Variants in ACSS3 observed in about 807,000 individuals in gnomAD.
ACSS3 encodes acyl-CoA synthetase short-chain family member 3, mitochondrial.
Under a neutral mutation model 84.2 loss-of-function variants are expected in ACSS3, and 64 were observed. The ratio of observed to expected loss-of-function variants is 0.76; its 90% CI spans 0.62 to 0.94. ACSS3 has a LOEUF of 0.94. ACSS3 is among the 40% of genes least tolerant of loss of function. The pLI, the probability that ACSS3 is intolerant of heterozygous loss-of-function variation, is 0.00. For missense variants in ACSS3, 815 were observed against 867.6 expected (o/e 0.94, Z 0.76); for synonymous variants, 317 against 310.1 (o/e 1.02, Z -0.23).
chr12:81,166,712 T>A (rs1346952337), intron 7 of ACSS3, among the ~76,000 whole-genome samples: 1 of 152,176 alleles, frequency 6.6e-6, no homozygotes, highest in Non-Finnish European at 1.5e-5. Flanking sequence ...ACAGGAAAGT[T>A]TGTTGTTTCA....
chr12:81,089,973 G>C (rs181059975), intron 1 of ACSS3, among the ~76,000 whole-genome samples: 7 of 151,986 alleles, frequency 4.6e-5, no homozygotes, highest in Non-Finnish European at 8.8e-5. Context: ...CCTAATTTCA[G>C]TTATAAGTTG....
At chr12:81,225,053 A>G (rs886804347) in intron 11 of ACSS3, among the ~76,000 whole-genome samples, 1 of 151,838 alleles carries the variant, frequency 6.6e-6, no homozygotes, top group South Asian at 2.1e-4. Flanking sequence ...CTATGTATGT[A>G]TAGGAAAAAC....
chr12:81,141,198 TTC>T (rs1320847394), intron 4 of ACSS3, among the ~76,000 whole-genome samples: 5 of 152,216 alleles, frequency 3.3e-5, no homozygotes, highest in African/African-American at 1.2e-4. Flanking sequence ...CTTTCTCAGC[TTC>T]TCTCTTTTTC....
intron 7 of ACSS3, among the ~76,000 whole-genome samples, chr12:81,167,121 G>A (rs1285807550): frequency 6.6e-6 from 1 of 152,216 alleles, no homozygotes. Flanking sequence ...AATTTGCTTA[G>A]CACTGCATCT....
chr12:81,253,359 A>T lies in ACSS3; in HGVS notation c.1772A>T (p.Asp591Val), dbSNP rs1268865994. 2 of 1,613,872 alleles carry T rather than the reference A, an allele frequency of 1.2e-6. No homozygotes were observed. Among genetic ancestry groups the T allele is most frequent in the Non-Finnish European group, 1.7e-6 (2 of 1,179,906 alleles). ...GACTGTGCTGTTGTTGGCAAGGAAG[A>T]TCCCTTAAAAGGTCATGTCCCCTTA... is the stretch of plus-strand genomic sequence containing the variant. ...VADCAVVGKE[D>V]PLKGHVPLAL... is the part of the protein sequence containing the mutation. The change falls in exon 14 of 16, where the codon GAT becomes GTT. Residue 591 changes from aspartate to valine, a missense_variant. Transcript: ENST00000548058.
chr12:81,080,218 A>C (rs981412063), intron 1 of ACSS3, among the ~76,000 whole-genome samples: 1 of 152,150 alleles, frequency 6.6e-6, no homozygotes, highest in Non-Finnish European at 1.5e-5. Flanking sequence ...GAGTGATTCG[A>C]GAGGACAATT....
intron 13 of ACSS3, among the ~76,000 whole-genome samples, chr12:81,235,681 A>G (rs1475024440): frequency 6.6e-6 from 1 of 151,488 alleles, no homozygotes; most frequent in African/African-American, 2.4e-5. Flanking sequence ...TTTCTAGCAT[A>G]CAGATTCTGA....
intron 7 of ACSS3, among the ~76,000 whole-genome samples, chr12:81,154,551 T>TTAG (rs1305603489): frequency 1.3e-5 from 2 of 152,254 alleles, no homozygotes; most frequent in African/African-American, 2.4e-5. Flanking sequence ...TTTAGACCTT[T>TTAG]GCCTGCTTCA....
At chr12:81,108,855 G>C (rs1225890381) in intron 1 of ACSS3, among the ~76,000 whole-genome samples, 1 of 151,996 alleles carries the variant, frequency 6.6e-6, no homozygotes, top group African/African-American at 2.4e-5. Context: ...TTTTCTTTTA[G>C]AAAAATGAGT....
At chr12:81,201,921 C>A (rs11114787) in intron 9 of ACSS3, among the ~76,000 whole-genome samples, 1 of 151,856 alleles carries the variant, frequency 6.6e-6, no homozygotes, top group Admixed American at 6.6e-5. Context: ...GATCTCTATA[C>A]GTTTGCATAG....
At chr12:81,134,737 T>C in intron 2 of ACSS3, 79 bp from the exon 3 acceptor site, 2 of 1,313,722 alleles carry the variant, frequency 1.5e-6, no homozygotes, top group Non-Finnish European at 2.0e-6. Flanking sequence ...GTGATCAGCT[T>C]CTAATATTAC....
chr12:81,083,925 C>T (rs1037607639), intron 1 of ACSS3, among the ~76,000 whole-genome samples: 1 of 152,094 alleles, frequency 6.6e-6, no homozygotes, highest in Admixed American at 6.5e-5. Flanking sequence ...TGCCACTGCA[C>T]TCCAGCCTGG....
At chr12:81,240,239 C>T (rs925761081) in intron 13 of ACSS3, among the ~76,000 whole-genome samples, 1 of 151,984 alleles carries the variant, frequency 6.6e-6, no homozygotes, top group Non-Finnish European at 1.5e-5. Context: ...GCCTGACATA[C>T]TTTGATGCCC....
At chr12:81,241,403 A>G (rs941984075) in intron 13 of ACSS3, among the ~76,000 whole-genome samples, 2 of 152,116 alleles carry the variant, frequency 1.3e-5, no homozygotes, top group South Asian at 2.1e-4. Context: ...TCCCTGAGGA[A>G]TTGCCACACT....
At chr12:81,156,471 T>C (rs372180990) in intron 7 of ACSS3, among the ~76,000 whole-genome samples, 1 of 151,088 alleles carries the variant, frequency 6.6e-6, no homozygotes, top group East Asian at 2.0e-4. Context: ...ATCAATAACA[T>C]TGAAAACATA....
intron 11 of ACSS3, among the ~76,000 whole-genome samples, chr12:81,224,869 C>T (rs191526006): frequency 5.3e-5 from 8 of 151,904 alleles, no homozygotes; most frequent in Admixed American, 3.3e-4. Flanking sequence ...GTTATCAGAT[C>T]GGCTGTCTAG....
At chr12:81,199,552 G>A in intron 9 of ACSS3, 108 bp downstream of exon 9, 1 of 1,449,926 alleles carries the variant, frequency 6.9e-7, no homozygotes, top group Admixed American at 1.9e-5. Flanking sequence ...CACAAACTCG[G>A]GATTCGAGTG....
At chr12:81,187,260 G>A (rs1236969835) in intron 8 of ACSS3, among the ~76,000 whole-genome samples, 1 of 151,790 alleles carries the variant, frequency 6.6e-6, no homozygotes, top group Non-Finnish European at 1.5e-5. Flanking sequence ...AGGATACAAA[G>A]CAGCAGGTAT....
intron 1 of ACSS3, among the ~76,000 whole-genome samples, chr12:81,102,106 C>A (rs1464598609): frequency 1.3e-5 from 2 of 152,014 alleles, no homozygotes; most frequent in East Asian, 1.9e-4. Context: ...CACACACACA[C>A]TTATATACAC....
Sources: gnomAD v4.1 joint callset for allele counts (sites outside exome capture counted in the v4.1 genomes callset) on GRCh38, gnomAD v4.1.1 for gene constraint, MANE v1.5 for transcripts, NCBI Gene and HGNC (gene_info 2026-07-23, HGNC 2026-07-21) for gene names.